Variants in AP3B2 observed in about 807,000 individuals in gnomAD.
The protein encoded by AP3B2 is adaptor related protein complex 3 subunit beta 2.
A neutral mutation model predicts 126.9 loss-of-function variants in AP3B2; 50 were observed. That is an observed-to-expected ratio of 0.39 (90% confidence interval 0.31 to 0.50). The LOEUF (loss-of-function observed/expected upper bound fraction) is 0.50, where lower values mean the gene tolerates loss of function less well. Ranked by LOEUF, AP3B2 falls within the 20% of genes least tolerant of loss-of-function variation. AP3B2 has a pLI of 0.79. For synonymous variants in AP3B2, 541 were observed against 565.0 expected (o/e 0.96, Z 0.60); for missense variants, 1,177 against 1,426.4 (o/e 0.83, Z 2.82).
chr15:82,698,475 C>A (rs1245339132), intron 1 of AP3B2, among the ~76,000 whole-genome samples: 1 of 151,904 alleles, frequency 6.6e-6, no homozygotes, highest in African/African-American at 2.4e-5. Flanking sequence ...ACACACACCC[C>A]ACACACGTCC....
intron 15 of AP3B2, among the ~76,000 whole-genome samples, chr15:82,666,509 A>T (rs370717681): frequency 6.6e-6 from 1 of 152,218 alleles, no homozygotes; most frequent in African/African-American, 2.4e-5. Flanking sequence ...GAGAGGAGGC[A>T]CAAGTCCATC....
rs60428596 is a variant in AP3B2 at position 82,665,376 on chromosome 15, AACACACACACACACACACACACAC to A, written c.1971+57_1972-74del. On this transcript the variant is annotated intron_variant, in intron 16 of 26. Coordinates refer to ENST00000535359, the MANE Select transcript of AP3B2 (RefSeq NM_001278512.2). This position sits in a 1 kb window ranked among gnomAD's most constrained non-coding sequence, Gnocchi z 4.4. ...GGGCTCCCTACTGTCTGCCCCCACC[AACACACACACACACACACACACAC>A]ACACACACACACACACACACACACA... 90,398 of 1,256,408 alleles carry A rather than the reference AACACACACACACACACACACACAC, an allele frequency of 0.072. 6,173 individuals carry two copies. The highest frequency in any genetic ancestry group is 0.16 in the South Asian group (12,027 of 76,782). 77.8% of individuals were successfully genotyped at this position (1,256,408 alleles called of 1,614,324 possible). A position where few individuals can be genotyped will look rare whatever the true frequency, so the allele number is the denominator to read the frequency against.
At chr15:82,666,369 A>C (rs1359163062) in intron 15 of AP3B2, among the ~76,000 whole-genome samples, 1 of 152,210 alleles carries the variant, frequency 6.6e-6, no homozygotes, top group Non-Finnish European at 1.5e-5. Flanking sequence ...ACCTTTATAA[A>C]AATATACACC....
intron 1 of AP3B2, among the ~76,000 whole-genome samples, chr15:82,706,451 C>T (rs937307546): frequency 1.3e-5 from 2 of 152,130 alleles, no homozygotes; most frequent in African/African-American, 4.8e-5. Context: ...TTCTCAAGGC[C>T]GCTTTACTTC....
rs2047963493 is a variant in AP3B2, at chr15:82,662,263, A to T, written c.2834-11T>A. 1 of 1,585,614 alleles carries T rather than the reference A, an allele frequency of 6.3e-7. No homozygotes were observed. Among genetic ancestry groups the T allele is most frequent in the Non-Finnish European group, 8.6e-7 (1 of 1,164,396 alleles). ...CAGGTGCCAGGGACTCTGAAGTGGT[A>T]TAAGGCAGTGAAGGGGAGAGGGAGG... is the stretch of plus-strand genomic sequence containing the variant. On this transcript the variant is annotated splice_polypyrimidine_tract_variant and intron_variant, in intron 23 of 26. Transcript: ENST00000535359.
rs753181509 is a variant in AP3B2, at chr15:82,664,970, C to A, written c.2029-27G>T. 1.3e-6 allele frequency: 2 copies of A among 1,527,594 alleles called. No individual in the cohort carries two copies. The highest frequency in any genetic ancestry group is 4.6e-5 in the East Asian group (2 of 43,438). 94.6% of individuals were successfully genotyped at this position (1,527,594 alleles called of 1,614,324 possible). ...TGGAGATGGGGGTAGGGTGCAGGGT[C>A]ATTTCATCATGGTTGGGGAGAAGGC... On this transcript the variant is annotated intron_variant, in intron 17 of 26. Transcript: ENST00000535359. The surrounding 1 kb of genome is among the most constrained non-coding windows in gnomAD (Gnocchi z 4.5).
At position 82,665,156 on chromosome 15, in the gene AP3B2, G is replaced by A. The variant is rs2048029101; in HGVS notation, c.2028+91C>T. ...ACTGCCAAACCAAGGTGGAAACAGAGTATGGGAAGGCCCAGGAGCACAACA... is the reference window on the plus strand; with the variant it reads ...ACTGCCAAACCAAGGTGGAAACAGAATATGGGAAGGCCCAGGAGCACAACA... On this transcript the variant is annotated intron_variant, in intron 17 of 26. Transcript: ENST00000535359. This position sits in a 1 kb window ranked among gnomAD's most constrained non-coding sequence, Gnocchi z 4.4. 4 of 1,404,866 alleles carry A rather than the reference G, an allele frequency of 2.8e-6. No individual in the cohort carries two copies. Among genetic ancestry groups the A allele is most frequent in the Non-Finnish European group, 3.9e-6 (4 of 1,030,858 alleles). 87.0% of individuals were successfully genotyped at this position (1,404,866 alleles called of 1,614,324 possible).
intron 4 of AP3B2, chr15:82,686,026 G>T (rs1761164282): frequency 6.6e-6 from 1 of 152,212 alleles, no homozygotes; most frequent in South Asian, 2.1e-4. Context: ...TAACAGATCA[G>T]TGTCAACCTG....
Position 82,665,333 on chromosome 15 carries a change from G to A in AP3B2, c.1972-30C>T, listed in dbSNP as rs1489842433. 1 of 1,584,598 alleles carries A rather than the reference G, an allele frequency of 6.3e-7. No homozygotes were observed. Among genetic ancestry groups the A allele is most frequent in the Non-Finnish European group, 8.5e-7 (1 of 1,171,786 alleles). ...GTGTGTGGGGGAGGGTGTTAGGAGGGCTGGGCCGGCACTGCCAGGGCTCCC... is the reference window on the plus strand; with the variant it reads ...GTGTGTGGGGGAGGGTGTTAGGAGGACTGGGCCGGCACTGCCAGGGCTCCC... On this transcript the variant is annotated intron_variant, in intron 16 of 26. Coordinates refer to ENST00000535359, the MANE Select transcript of AP3B2 (RefSeq NM_001278512.2). This position sits in a 1 kb window ranked among gnomAD's most constrained non-coding sequence, Gnocchi z 4.4.
chr15:82,668,013 G>C (rs577632861), intron 14 of AP3B2, among the ~76,000 whole-genome samples: 5 of 152,204 alleles, frequency 3.3e-5, no homozygotes, highest in South Asian at 2.1e-4. Flanking sequence ...AACTGACTCT[G>C]TTCTTCCTGA....
chr15:82,664,061 G>T lies in AP3B2; in HGVS notation c.2262-86C>A, dbSNP rs1596167637. 6.7e-7 allele frequency: 1 copy of T among 1,500,472 alleles called. No individual in the cohort carries two copies. The highest frequency in any genetic ancestry group is 2.4e-5 in the East Asian group (1 of 41,802). The allele number at this position is 1,500,472 out of a possible 1,614,324, so 92.9% of individuals were successfully genotyped here. A position where few individuals can be genotyped will look rare whatever the true frequency, so the allele number is the denominator to read the frequency against. Reference sequence around the variant, plus strand: ...AAGCAGGAGAAATGCTGAAAAGCTGGAGTGGTGTGGGGAGCCTGAGCCAGG... The same window carrying T: ...AAGCAGGAGAAATGCTGAAAAGCTGTAGTGGTGTGGGGAGCCTGAGCCAGG... On this transcript the variant is annotated intron_variant, in intron 19 of 26. Transcript: ENST00000535359. This position sits in a 1 kb window ranked among gnomAD's most constrained non-coding sequence, Gnocchi z 4.5.
At chr15:82,676,705 C>G in intron 13 of AP3B2, 68 bp from the exon 14 acceptor site, 1 of 1,516,552 alleles carries the variant, frequency 6.6e-7, no homozygotes. Context: ...TTGTGGACTT[C>G]CAGGGAAACA....
chr15:82,667,727 C>T (rs1471708108), intron 14 of AP3B2, among the ~76,000 whole-genome samples: 1 of 152,212 alleles, frequency 6.6e-6, no homozygotes, highest in Non-Finnish European at 1.5e-5. Flanking sequence ...CCCAAGCCTT[C>T]TGAGAAGTAG....
chr15:82,690,412 C>A (rs942443237), intron 1 of AP3B2, among the ~76,000 whole-genome samples: 1 of 151,780 alleles, frequency 6.6e-6, no homozygotes, highest in Non-Finnish European at 1.5e-5. Flanking sequence ...CCTCCCCCAA[C>A]GCCACAACAG....
Position 82,664,857 on chromosome 15 carries a change from G to A in AP3B2, c.2115C>T (p.Gly705=), listed in dbSNP as rs1158097259. 7 of 1,598,826 alleles carry A rather than the reference G, an allele frequency of 4.4e-6. No individual in the cohort carries two copies. Among genetic ancestry groups the A allele is most frequent in the Middle Eastern group, 1.7e-4 (1 of 6,048 alleles). The change falls in exon 18 of 27, where the codon GGC becomes GGT. Residue 705 remains glycine (G), a synonymous_variant. Coordinates refer to ENST00000535359, the MANE Select transcript of AP3B2 (RefSeq NM_001278512.2). This position sits in a 1 kb window ranked among gnomAD's most constrained non-coding sequence, Gnocchi z 4.5. The part of the protein sequence containing the change: ...PFYSDSEGES[G]PTESADSDPE... Reference sequence around the variant, plus strand: ...CACCACTGTCTGCGGACTCCGTGGGGCCTGACTCCCCCTCAGAGTCCGAGT... The same window carrying A: ...CACCACTGTCTGCGGACTCCGTGGGACCTGACTCCCCCTCAGAGTCCGAGT...
chr15:82,681,355 C>T lies in AP3B2; in HGVS notation c.521+65G>A, dbSNP rs1843272376. 44 of 1,592,994 alleles carry T rather than the reference C, an allele frequency of 2.8e-5. No individual in the cohort carries two copies. The highest frequency in any genetic ancestry group is 3.7e-5 in the Non-Finnish European group (43 of 1,168,234). On this transcript the variant is annotated intron_variant, in intron 5 of 26. Coordinates refer to ENST00000535359, the MANE Select transcript of AP3B2 (RefSeq NM_001278512.2). This position sits in a 1 kb window ranked among gnomAD's most constrained non-coding sequence, Gnocchi z 4.0. Reference sequence around the variant, plus strand: ...AGCAGCAGGCAAGACTTAGGAAAGGCCAGGGGTGGGTTGAGAACTTAGGAA... The same window carrying T: ...AGCAGCAGGCAAGACTTAGGAAAGGTCAGGGGTGGGTTGAGAACTTAGGAA...
At chr15:82,696,262 A>T (rs1043959498) in intron 1 of AP3B2, among the ~76,000 whole-genome samples, 2 of 152,268 alleles carry the variant, frequency 1.3e-5, no homozygotes, top group East Asian at 3.9e-4. Context: ...AATATTTGGG[A>T]TATGGTAAAT....
chr15:82,703,884 GCTCCTCAGGTCA>G (rs1203213374), intron 1 of AP3B2, among the ~76,000 whole-genome samples: 2 of 151,896 alleles, frequency 1.3e-5, no homozygotes, highest in Non-Finnish European at 2.9e-5. Context: ...TCCCCAGAAT[GCTCCTCAGGTCA>G]CTCCCCACCA....
intron 1 of AP3B2, among the ~76,000 whole-genome samples, chr15:82,697,577 C>T (rs963588126): frequency 2.2e-4 from 33 of 152,156 alleles, no homozygotes; most frequent in Non-Finnish European, 3.2e-4. Context: ...TGCGTGAGTA[C>T]CTGACGTCAG....
Sources: allele counts gnomAD v4.1 joint callset (sites outside exome capture counted in the v4.1 genomes callset), GRCh38; gene constraint gnomAD v4.1.1; non-coding constraint Gnocchi (gnomAD v3.1); transcripts MANE v1.5; gene names NCBI Gene and HGNC (gene_info 2026-07-23, HGNC 2026-07-21).